DOCK10: variants seen among roughly 807,000 people sequenced by gnomAD.
DOCK10 encodes the protein dedicator of cytokinesis 10.
DOCK10 carries 145 observed loss-of-function variants against 280.1 expected under a neutral mutation model. That is an observed-to-expected ratio of 0.52 (90% CI 0.45 to 0.59). DOCK10 has a LOEUF of 0.59. Ranked by LOEUF, DOCK10 falls within the 20% of genes least tolerant of loss-of-function variation. DOCK10 has a pLI of 0.00. For synonymous variants in DOCK10, 915 were observed against 942.2 expected, an observed-to-expected ratio of 0.97 and a Z score of 0.53; for missense variants, 2,368 against 2,651.7, an observed-to-expected ratio of 0.89 and a Z score of 2.35.
At position 224,957,293 on chromosome 2, in the gene DOCK10, C is replaced by CCCCT. The variant is rs200633601; in HGVS notation, c.124-25626_124-25625insAGGG. Reference sequence around the variant, plus strand: ...TTTAGTTTTTACTTTCCGCCCCCCCCCGGCTTTGTTTTTCGGAGATGGGGT... The same window carrying CCCCT: ...TTTAGTTTTTACTTTCCGCCCCCCCCCCCTCGGCTTTGTTTTTCGGAGATGGGGT... On this transcript the variant is annotated intron_variant, in intron 1 of 55. Coordinates refer to ENST00000258390, the MANE Select transcript of DOCK10 (RefSeq NM_014689.3). Among the ~76,000 whole-genome samples, 9 of 144,524 alleles carry CCCCT rather than the reference C, an allele frequency of 6.2e-5. 1 individual carries two copies. Among genetic ancestry groups the CCCCT allele is most frequent in the Non-Finnish European group, 1.3e-4 (9 of 67,078 alleles). 94.8% of individuals were successfully genotyped at this position (144,524 alleles called of 152,430 possible).
chr2:224,847,282 C>T (rs1696428437), intron 19 of DOCK10, among the ~76,000 whole-genome samples: 1 of 152,156 alleles, frequency 6.6e-6, no homozygotes, highest in South Asian at 2.1e-4. Flanking sequence ...AGTAGCATGG[C>T]ACAGTGTTAG....
At chr2:224,840,518 G>A (rs781007847) in intron 23 of DOCK10, among the ~76,000 whole-genome samples, 4 of 152,108 alleles carry the variant, frequency 2.6e-5, no homozygotes, top group East Asian at 3.9e-4. Context: ...AATGTTCAAC[G>A]TCATTAATCA....
At chr2:224,963,400 C>T (rs1285188365) in intron 1 of DOCK10, among the ~76,000 whole-genome samples, 3 of 152,164 alleles carry the variant, frequency 2.0e-5, no homozygotes, top group Non-Finnish European at 4.4e-5. Context: ...AAATGTGAAT[C>T]ATGTGCCAAA....
intron 14 of DOCK10, among the ~76,000 whole-genome samples, chr2:224,860,005 G>A (rs1417039165): frequency 2.0e-5 from 3 of 152,180 alleles, no homozygotes; most frequent in Non-Finnish European, 4.4e-5. Flanking sequence ...TCTCAGTTGT[G>A]AGAAATTTAT....
At chr2:224,801,472 G>A (rs924253645) in intron 40 of DOCK10, among the ~76,000 whole-genome samples, 1 of 152,042 alleles carries the variant, frequency 6.6e-6, no homozygotes, top group African/African-American at 2.4e-5. Flanking sequence ...GAAGAGAAAA[G>A]GTCAGAGTTT....
In DOCK10 at chr2:224,837,819, G is replaced by A; in HGVS notation, c.2793C>T (p.Asp931=). The A allele has an allele frequency of 6.2e-7, 1 of 1,613,886 alleles. No homozygotes were observed. The highest frequency in any genetic ancestry group is 1.1e-5 in the South Asian group (1 of 91,088). ...GCTCCTCATGGCACTTGGCCACAATGTCGGTCAGAACCCTGCAAAAGCAAA... is the reference window on the plus strand; with the variant it reads ...GCTCCTCATGGCACTTGGCCACAATATCGGTCAGAACCCTGCAAAAGCAAA... ...ITTTVTRVLT[D]IVAKCHEEQL... Residue 931 remains aspartate, a synonymous_variant, in exon 25 of 56, where the codon GAC becomes GAT. Transcript: ENST00000258390.
At chr2:224,812,398 A>C (rs1002297395) in intron 31 of DOCK10, among the ~76,000 whole-genome samples, 1 of 152,160 alleles carries the variant, frequency 6.6e-6, no homozygotes, top group Non-Finnish European at 1.5e-5. Flanking sequence ...TGAGACAATG[A>C]GGTTTTCTAG....
intron 38 of DOCK10, 51 bp downstream of exon 38, chr2:224,804,743 C>A: frequency 1.7e-6 from 2 of 1,191,962 alleles, no homozygotes; most frequent in Non-Finnish European, 1.2e-6. Flanking sequence ...TAATACATGT[C>A]ATATGCTTTT....
At chr2:224,989,590 G>A (rs1265635273) in intron 1 of DOCK10, among the ~76,000 whole-genome samples, 1 of 152,138 alleles carries the variant, frequency 6.6e-6, no homozygotes, top group Non-Finnish European at 1.5e-5. Context: ...AGTAAAACCA[G>A]GTCATGGGAT....
intron 22 of DOCK10, among the ~76,000 whole-genome samples, chr2:224,843,906 G>T (rs1420052340): frequency 6.6e-6 from 1 of 152,092 alleles, no homozygotes; most frequent in Non-Finnish European, 1.5e-5. Context: ...GATCACATTT[G>T]CTACAACCTT....
At chr2:224,900,152 C>A (rs1047812324) in intron 3 of DOCK10, among the ~76,000 whole-genome samples, 1 of 152,056 alleles carries the variant, frequency 6.6e-6, no homozygotes, top group African/African-American at 2.4e-5. Context: ...TAAACATGTA[C>A]ACTCATGCAT....
intron 1 of DOCK10, among the ~76,000 whole-genome samples, chr2:225,018,533 T>A (rs368152034): frequency 4.8e-4 from 5 of 10,416 alleles, no homozygotes; most frequent in Admixed American, 1.3e-3. Context: ...ATAATATATA[T>A]GTAATATTAT....
At chr2:224,877,748 A>G (rs983281989) in intron 7 of DOCK10, among the ~76,000 whole-genome samples, 1 of 152,244 alleles carries the variant, frequency 6.6e-6, no homozygotes, top group African/African-American at 2.4e-5. Flanking sequence ...GGGGAACCCA[A>G]GAACAAATTG....
chr2:225,030,072 G>C (rs1690034487), intron 1 of DOCK10, among the ~76,000 whole-genome samples: 1 of 150,030 alleles, frequency 6.7e-6, no homozygotes, highest in South Asian at 2.1e-4. Context: ...CTGGAGCCCA[G>C]GAGGCAGAAG....
intron 52 of DOCK10, among the ~76,000 whole-genome samples, chr2:224,773,867 T>C (rs1690629175): frequency 6.6e-6 from 1 of 151,994 alleles, no homozygotes; most frequent in Non-Finnish European, 1.5e-5. Context: ...CTTGACCTCA[T>C]GATCCGCCCG....
In DOCK10 at chr2:225,015,606, C is replaced by T. The variant is rs1169977880; in HGVS notation, c.123+26646G>A. On this transcript the variant is annotated intron_variant, in intron 1 of 55. Transcript: ENST00000258390. ...AAACCCAGGCCAGCAGGCAGCTCGG[C>T]CATGGCTGAGAGGCTGTGTTTTAGA... 4.6e-5 allele frequency among the ~76,000 whole-genome samples: 7 copies of T among 152,180 alleles called. No homozygotes were observed. The South Asian group carries it at 1.0e-3, about 23-fold the overall frequency.
intron 20 of DOCK10, 40 bp from the exon 21 acceptor site, chr2:224,845,364 C>T: frequency 6.4e-7 from 1 of 1,571,152 alleles, no homozygotes; most frequent in Non-Finnish European, 8.6e-7. Flanking sequence ...TGAGTACAAA[C>T]CTCCATGGTA....
intron 7 of DOCK10, among the ~76,000 whole-genome samples, chr2:224,877,502 C>CTATTGGAATAGGTTCCTATT (rs1169851185): frequency 5.8e-4 from 87 of 150,370 alleles, no homozygotes; most frequent in East Asian, 2.3e-3. Context: ...GGTTCCTATT[C>CTATTGGAATAGGTTCCTATT]CAAGTTGACA....
intron 18 of DOCK10, among the ~76,000 whole-genome samples, chr2:224,851,896 G>A (rs905832150): frequency 2.0e-5 from 3 of 152,046 alleles, no homozygotes; most frequent in Non-Finnish European, 4.4e-5. Context: ...ATCAGCAACC[G>A]GGACTGACTT....
Sources: gnomAD v4.1 joint callset for allele counts (sites outside exome capture counted in the v4.1 genomes callset) on GRCh38, gnomAD v4.1.1 for gene constraint, MANE v1.5 for transcripts, NCBI Gene and HGNC (gene_info 2026-07-23, HGNC 2026-07-21) for gene names.